The following IRAK3 variants were observed in gnomAD, a reference collection of about 807,000 sequenced individuals.
The protein encoded by IRAK3 is interleukin 1 receptor associated kinase 3, also known as interleukin-1 receptor-associated kinase 3.
A neutral mutation model predicts 56.6 loss-of-function variants in IRAK3; 57 were observed. That is an observed-to-expected ratio of 1.01 (90% CI 0.81 to 1.26). The LOEUF (loss-of-function observed/expected upper bound fraction) is 1.26. Ranked by LOEUF, IRAK3 falls within the 50% of genes most tolerant of loss-of-function variation. IRAK3 has a pLI of 0.00. For synonymous variants in IRAK3, 258 were observed against 255.7 expected, an observed-to-expected ratio of 1.01 and a Z score of -0.09; for missense variants, 703 against 719.0, an observed-to-expected ratio of 0.98 and a Z score of 0.25.
At position 66,203,858 on chromosome 12, in the gene IRAK3, G is replaced by A. The variant is rs754097794; in HGVS notation, c.281G>A (p.Gly94Glu). The change falls in exon 2 of 12, where the codon GGA becomes GAA. Residue 94 changes from glycine (G) to glutamate (E), a missense_variant. Coordinates refer to ENST00000261233, the MANE Select transcript of IRAK3 (RefSeq NM_007199.3). Reference protein sequence around the residue: ...GDLLQVLQEMGHRRAIHLITN... With the variant: ...GDLLQVLQEMEHRRAIHLITN... Reference sequence around the variant, plus strand: ...CTTTTACAGGTCCTCCAGGAGATGGGACATCGTCGAGCTATTCATTTAATT... The same window carrying A: ...CTTTTACAGGTCCTCCAGGAGATGGAACATCGTCGAGCTATTCATTTAATT... 6.2e-6 allele frequency: 10 copies of A among 1,613,852 alleles called. No homozygotes were observed. In the African/African-American group the frequency reaches 1.3e-4, roughly 22 times the overall value.
At chr12:66,222,520 C>T (rs946429272) in intron 6 of IRAK3, among the ~76,000 whole-genome samples, 3 of 151,744 alleles carry the variant, frequency 2.0e-5, no homozygotes, top group Admixed American at 1.3e-4. Context: ...GTTGTAATGT[C>T]GCCTCTTTCA....
rs2053085244 is a variant in IRAK3, at chr12:66,250,388, C to A, written c.*2217C>A. The A allele has an allele frequency of 6.6e-6, 1 of 152,152 alleles. No homozygotes were observed. The highest frequency in any genetic ancestry group is 2.4e-5 in the African/African-American group (1 of 41,452). 9.4% of individuals were successfully genotyped at this position (152,152 alleles called of 1,614,324 possible). On this transcript the variant is annotated 3_prime_UTR_variant, in exon 12 of 12. Coordinates refer to ENST00000261233, the MANE Select transcript of IRAK3 (RefSeq NM_007199.3). ...ATCAAAGAAGAAAATCATCAGGAAT[C>A]AGGGTGAGATTAACAGACCAAGGTC...
chr12:66,237,354 A>T (rs2052918932), intron 8 of IRAK3, among the ~76,000 whole-genome samples: 1 of 152,188 alleles, frequency 6.6e-6, no homozygotes, highest in South Asian at 2.1e-4. Flanking sequence ...ATTTGGGTGC[A>T]GCTCTCATTA....
rs1293581336 is a variant in IRAK3, at chr12:66,252,474, C to CCTCTGCTACAACTT, written c.*4314_*4327dup. 6.6e-6 allele frequency: 1 copy of CCTCTGCTACAACTT among 152,210 alleles called. No homozygotes were observed. The highest frequency in any genetic ancestry group is 2.4e-5 in the African/African-American group (1 of 41,440). The allele number at this position is 152,210 out of a possible 1,614,324, so 9.4% of individuals were successfully genotyped here. A position where few individuals can be genotyped will look rare whatever the true frequency, so the allele number is the denominator to read the frequency against. The stretch of plus-strand genomic sequence containing the variant: ...CTCCTGCCTTTATCACTATCCTACT[C>CCTCTGCTACAACTT]CTCTGCTACAACTTCTCTGCTACAG... On this transcript the variant is annotated 3_prime_UTR_variant, in exon 12 of 12. Coordinates refer to ENST00000261233, the MANE Select transcript of IRAK3 (RefSeq NM_007199.3).
chr12:66,203,291 A>G (rs1749660256), intron 1 of IRAK3, among the ~76,000 whole-genome samples: 2 of 152,220 alleles, frequency 1.3e-5, no homozygotes, highest in South Asian at 2.1e-4. Context: ...AGACATTGCT[A>G]TCTTAAACCT....
At chr12:66,209,413 C>A in intron 2 of IRAK3, 43 bp from the exon 3 acceptor site, 2 of 1,133,688 alleles carry the variant, frequency 1.8e-6, no homozygotes, top group Non-Finnish European at 2.7e-6. Context: ...ACATTAGGGA[C>A]ATAAAATTTT....
intron 8 of IRAK3, among the ~76,000 whole-genome samples, chr12:66,239,242 T>C (rs2052938681): frequency 6.6e-6 from 1 of 151,844 alleles, no homozygotes; most frequent in Admixed American, 6.6e-5. Context: ...CAGTCTTTCA[T>C]ACAAGGGAAA....
intron 11 of IRAK3, among the ~76,000 whole-genome samples, chr12:66,247,098 C>A (rs1475698451): frequency 6.6e-6 from 1 of 152,022 alleles, no homozygotes; most frequent in Non-Finnish European, 1.5e-5. Context: ...GGCGAAACCC[C>A]ATCTCTACTA....
intron 6 of IRAK3, among the ~76,000 whole-genome samples, chr12:66,225,030 G>A (rs956214871): frequency 6.6e-6 from 1 of 152,054 alleles, no homozygotes; most frequent in Non-Finnish European, 1.5e-5. Context: ...CCATACCTTG[G>A]TAACCTCTAA....
intron 5 of IRAK3, among the ~76,000 whole-genome samples, chr12:66,214,370 C>CA (rs995844616): frequency 5.5e-4 from 79 of 144,932 alleles, no homozygotes; most frequent in Middle Eastern, 7.0e-3. Flanking sequence ...CCAAGAAATA[C>CA]AAAAAAAAAA....
At chr12:66,245,307 A>G in intron 11 of IRAK3, 45 bp downstream of exon 11, 12 of 1,585,552 alleles carry the variant, frequency 7.6e-6, no homozygotes, top group Non-Finnish European at 1.0e-5. Context: ...CCACAGAACC[A>G]TGGAAAATCT....
intron 11 of IRAK3, among the ~76,000 whole-genome samples, chr12:66,245,778 C>T (rs1294106914): frequency 2.6e-5 from 4 of 152,040 alleles, no homozygotes; most frequent in African/African-American, 4.8e-5. Context: ...GTGATCCACC[C>T]GCCTTGGCCT....
intron 5 of IRAK3, among the ~76,000 whole-genome samples, chr12:66,215,485 A>G (rs966682381): frequency 2.0e-5 from 3 of 152,096 alleles, no homozygotes; most frequent in Non-Finnish European, 2.9e-5. Flanking sequence ...ACCTCTCTCA[A>G]AGGACTGGGC....
chr12:66,237,198 G>A (rs999231142), intron 8 of IRAK3, among the ~76,000 whole-genome samples: 4 of 152,106 alleles, frequency 2.6e-5, no homozygotes, highest in African/African-American at 9.7e-5. Context: ...TTGTGAGGAG[G>A]AAGTGAGGTG....
chr12:66,236,607 C>T (rs977919293), intron 8 of IRAK3, among the ~76,000 whole-genome samples: 5 of 151,894 alleles, frequency 3.3e-5, no homozygotes, highest in Non-Finnish European at 7.4e-5. Flanking sequence ...TGAGTTCAGA[C>T]CCAGGTCTTT....
intron 8 of IRAK3, among the ~76,000 whole-genome samples, chr12:66,231,186 A>C (rs1197601201): frequency 1.3e-5 from 2 of 152,122 alleles, no homozygotes; most frequent in Non-Finnish European, 2.9e-5. Flanking sequence ...CCACTGACTA[A>C]GCTCTAGTTT....
Position 66,254,446 on chromosome 12 carries a change from A to C in IRAK3, c.*6275A>C, listed in dbSNP as rs1250869153. ...TATGAGCTCATTTATAACATTGAAT[A>C]TTTTAAGATAATGTATGTTTCATAG... On this transcript the variant is annotated 3_prime_UTR_variant, in exon 12 of 12. Transcript: ENST00000261233. 6.6e-6 allele frequency: 1 copy of C among 152,120 alleles called. No homozygotes were observed. The highest frequency in any genetic ancestry group is 6.5e-5 in the Admixed American group (1 of 15,270). The allele number at this position is 152,120 out of a possible 1,614,324, so 9.4% of individuals were successfully genotyped here. A position where few individuals can be genotyped will look rare whatever the true frequency, so the allele number is the denominator to read the frequency against.
chr12:66,209,629 TA>T lies in IRAK3; in HGVS notation c.381+114del. The T allele has an allele frequency of 5.3e-6, 4 of 759,486 alleles. No homozygotes were observed. In the East Asian group the frequency reaches 9.9e-5, roughly 19 times the overall value. The allele number at this position is 759,486 out of a possible 1,614,324, so 47.0% of individuals were successfully genotyped here. A position where few individuals can be genotyped will look rare whatever the true frequency, so the allele number is the denominator to read the frequency against. ...AAATGCTGGATTTGCCGGCACTTTT[TA>T]AAAATCAGAAATGCCTTTGTTCTCT... On this transcript the variant is annotated intron_variant, in intron 3 of 11. Coordinates refer to ENST00000261233, the MANE Select transcript of IRAK3 (RefSeq NM_007199.3).
intron 6 of IRAK3, among the ~76,000 whole-genome samples, chr12:66,221,126 T>A (rs2052729083): frequency 6.6e-6 from 1 of 152,224 alleles, no homozygotes; most frequent in East Asian, 1.9e-4. Flanking sequence ...TTCTTTTTAA[T>A]GCTGTTGTAA....
Sources: gnomAD v4.1 joint callset for allele counts (sites outside exome capture counted in the v4.1 genomes callset) on GRCh38, gnomAD v4.1.1 for gene constraint, MANE v1.5 for transcripts, NCBI Gene and HGNC (gene_info 2026-07-23, HGNC 2026-07-21) for gene names.